LAMC3: variants seen among roughly 807,000 people sequenced by gnomAD.
LAMC3 encodes the protein laminin subunit gamma 3.
In LAMC3, 128 loss-of-function variants were observed where a neutral mutation model predicts 173.8. The observed-to-expected ratio is 0.74, with a 90% CI of 0.64 to 0.85. LAMC3 has a LOEUF of 0.85. Ranked by LOEUF, LAMC3 falls within the 40% of genes least tolerant of loss-of-function variation. The pLI is 0.00. For synonymous variants in LAMC3, 897 were observed against 909.1 expected (o/e 0.99, Z 0.24); for missense variants, 2,022 against 2,156.0 (o/e 0.94, Z 1.23).
chr9:131,037,893 C>G (rs1429842214), intron 4 of LAMC3, among the ~76,000 whole-genome samples: 1 of 152,256 alleles, frequency 6.6e-6, no homozygotes, highest in African/African-American at 2.4e-5. Flanking sequence ...CCACGGCAGC[C>G]CAGCCTCCCT....
At chr9:131,037,016 G>A (rs1055654867) in intron 4 of LAMC3, among the ~76,000 whole-genome samples, 2 of 152,240 alleles carry the variant, frequency 1.3e-5, no homozygotes, top group Non-Finnish European at 2.9e-5. Flanking sequence ...CGGGCAGCTT[G>A]GCCTCTGGAC....
chr9:131,026,707 C>CTTTTTCTTCTT lies in LAMC3; in HGVS notation c.678+121_678+131dup. On this transcript the variant is annotated intron_variant, in intron 2 of 27. Coordinates refer to ENST00000361069, the MANE Select transcript of LAMC3 (RefSeq NM_006059.4). The surrounding 1 kb of genome is among the most constrained non-coding windows in gnomAD (Gnocchi z 4.8). Reference sequence around the variant, plus strand: ...GGGACCTGCAAAACCCCATGGTTTTCTTTTTCTTCTTTTATTTTTGGAGAC... The same window carrying CTTTTTCTTCTT: ...GGGACCTGCAAAACCCCATGGTTTTCTTTTTCTTCTTTTTTTCTTCTTTTATTTTTGGAGAC... 1 of 1,410,116 alleles carries CTTTTTCTTCTT rather than the reference C, an allele frequency of 7.1e-7. No homozygotes were observed. The highest frequency in any genetic ancestry group is 9.3e-7 in the Non-Finnish European group (1 of 1,078,896). 87.4% of individuals were successfully genotyped at this position (1,410,116 alleles called of 1,614,324 possible). A position where few individuals can be genotyped will look rare whatever the true frequency, so the allele number is the denominator to read the frequency against.
intron 1 of LAMC3, among the ~76,000 whole-genome samples, chr9:131,024,117 C>G (rs991498135): frequency 2.0e-5 from 3 of 148,714 alleles, no homozygotes; most frequent in African/African-American, 7.4e-5. Context: ...ATATTATTTA[C>G]TCCTCTGTTT....
chr9:131,034,476 A>G (rs970194833), intron 3 of LAMC3, among the ~76,000 whole-genome samples: 1 of 152,264 alleles, frequency 6.6e-6, no homozygotes, highest in African/African-American at 2.4e-5. Flanking sequence ...CAACATCCAC[A>G]GAGGGCAGAG....
chr9:131,076,294 G>A (rs1402132452), intron 21 of LAMC3, among the ~76,000 whole-genome samples: 2 of 152,130 alleles, frequency 1.3e-5, no homozygotes, highest in African/African-American at 4.8e-5. Flanking sequence ...CCAGCCCAGG[G>A]CAGCTCCTCT....
rs765041880 is a variant in LAMC3 at position 131,049,051 on chromosome 9, G to T, written c.1551G>T (p.Gly517=). 3.0e-5 allele frequency: 46 copies of T among 1,551,578 alleles called. No individual in the cohort carries two copies. In the South Asian group the frequency reaches 5.2e-4, roughly 18 times the overall value. ...GAEGWWARSV[G]GSEHPPQWSP... ...AAGGCTGGTGGGCCAGAAGTGTGGGGGGCTCTGAGCACCCCCCACAATGGA... is the reference window on the plus strand; with the variant it reads ...AAGGCTGGTGGGCCAGAAGTGTGGGTGGCTCTGAGCACCCCCCACAATGGA... The change falls in exon 9 of 28, where the codon GGG becomes GGT. Residue 517 remains glycine, a synonymous_variant. Transcript: ENST00000361069.
chr9:131,091,503 G>T, intron 27 of LAMC3, 34 bp from the exon 28 acceptor site: 1 of 1,561,016 alleles, frequency 6.4e-7, no homozygotes, highest in South Asian at 1.2e-5. Flanking sequence ...CAGGGCTGCT[G>T]GCTCACAGTG....
chr9:131,080,835 C>T (rs1830225918), intron 23 of LAMC3, among the ~76,000 whole-genome samples: 1 of 152,150 alleles, frequency 6.6e-6, no homozygotes, highest in African/African-American at 2.4e-5. Flanking sequence ...CTTCGTCCTC[C>T]TCCCCACCCC....
At chr9:131,089,395 G>C (rs942770543) in intron 27 of LAMC3, among the ~76,000 whole-genome samples, 2 of 151,582 alleles carry the variant, frequency 1.3e-5, no homozygotes, top group South Asian at 4.2e-4. Flanking sequence ...AAATTTTTTT[G>C]GAGACAGGAT....
In LAMC3 at chr9:131,091,819, C is replaced by A. The variant is rs765009566; in HGVS notation, c.*32C>A. The A allele has an allele frequency of 1.2e-6, 2 of 1,608,782 alleles. No individual in the cohort carries two copies. Among genetic ancestry groups the A allele is most frequent in the African/African-American group, 2.7e-5 (2 of 74,926 alleles). ...CCCAGATCCCCGGCACACACTCCCC[C>A]ACCTGCTGTTTACATGACCCAGGGG... On this transcript the variant is annotated 3_prime_UTR_variant, in exon 28 of 28. Transcript: ENST00000361069.
intron 1 of LAMC3, among the ~76,000 whole-genome samples, chr9:131,016,775 C>G (rs1833526629): frequency 6.6e-6 from 1 of 152,122 alleles, no homozygotes. Flanking sequence ...TTTAAAATCC[C>G]TAAAGAGTAG....
chr9:131,037,083 G>A (rs538012530), intron 4 of LAMC3, among the ~76,000 whole-genome samples: 2 of 152,346 alleles, frequency 1.3e-5, no homozygotes, highest in East Asian at 3.9e-4. Context: ...TGGGCCGGGG[G>A]CGGCTTGTTC....
At chr9:131,089,544 ATTTT>A (rs59946569) in intron 27 of LAMC3, among the ~76,000 whole-genome samples, 77,587 of 139,118 alleles carry the variant, frequency 0.56, 21,470 homozygotes, top group African/African-American at 0.67. Context: ...CACCCAGCTA[ATTTT>A]TTTTTTTTTT....
chr9:131,044,210 C>G (rs899792904), intron 7 of LAMC3, among the ~76,000 whole-genome samples: 2 of 151,508 alleles, frequency 1.3e-5, no homozygotes, highest in African/African-American at 4.8e-5. Flanking sequence ...CCCACCTCGG[C>G]CTCCCAAAGT....
In LAMC3 at chr9:131,087,763, C is replaced by T. The variant is rs747672513; in HGVS notation, c.4423C>T (p.Arg1475Cys). Residue 1475 changes from arginine to cysteine, a missense_variant, in exon 27 of 28, where the codon CGT (arginine) becomes TGT (cysteine). By Grantham distance (180) the Arg-to-Cys change is radical. Transcript: ENST00000361069. The stretch of plus-strand genomic sequence containing the variant: ...GATGGAGCAGCAGATCCGGGAATCG[C>T]GTATCTCACTGGAGAAGGACATCGA... ...SEMEQQIRES[R>C]ISLEKDIETL... 52 of 1,614,016 alleles carry T rather than the reference C, an allele frequency of 3.2e-5. No individual in the cohort carries two copies. Among genetic ancestry groups the T allele is most frequent in the South Asian group, 2.6e-4 (24 of 91,086 alleles).
intron 6 of LAMC3, among the ~76,000 whole-genome samples, chr9:131,039,951 G>A (rs536400624): frequency 2.7e-5 from 4 of 149,694 alleles, no homozygotes; most frequent in East Asian, 2.0e-4. Flanking sequence ...ACTTGATTGA[G>A]AAAGTATACA....
chr9:131,061,314 G>T, intron 13 of LAMC3, 91 bp downstream of exon 13: 1 of 1,139,606 alleles, frequency 8.8e-7, no homozygotes, highest in Non-Finnish European at 1.2e-6. Flanking sequence ...AGGGCCCTGG[G>T]TTTAGGGTGT....
At chr9:131,015,218 T>G (rs1235104120) in intron 1 of LAMC3, among the ~76,000 whole-genome samples, 1 of 152,206 alleles carries the variant, frequency 6.6e-6, no homozygotes, top group East Asian at 1.9e-4. Flanking sequence ...AAGATTGCAC[T>G]GTGTTTCCTC....
chr9:131,013,117 C>G (rs935504667), intron 1 of LAMC3, among the ~76,000 whole-genome samples: 7 of 152,252 alleles, frequency 4.6e-5, no homozygotes, highest in Non-Finnish European at 8.8e-5. Context: ...GCATCCCAAA[C>G]CGGCATGCTT....
Sources: gnomAD v4.1 joint callset for allele counts (sites outside exome capture counted in the v4.1 genomes callset) on GRCh38, gnomAD v4.1.1 for gene constraint, Gnocchi (gnomAD v3.1) non-coding constraint, MANE v1.5 for transcripts, NCBI Gene and HGNC (gene_info 2026-07-23, HGNC 2026-07-21) for gene names.